The following NFIB variants were observed in gnomAD, a reference collection of about 807,000 sequenced individuals.
NFIB encodes nuclear factor I B.
Under a neutral mutation model 61.5 loss-of-function variants are expected in NFIB, and 11 were observed. The observed-to-expected ratio is 0.18, with a 90% CI of 0.11 to 0.30. NFIB has a LOEUF of 0.30. NFIB is among the 10% of genes least tolerant of loss of function. The pLI, the probability that NFIB is intolerant of heterozygous loss-of-function variation, is 1.00. For missense variants in NFIB, 471 were observed against 608.9 expected (o/e 0.77, Z 2.38); for synonymous variants, 260 against 216.5 (o/e 1.20, Z -1.76).
chr9:14,237,164 T>TA (rs747692698), intron 2 of NFIB, among the ~76,000 whole-genome samples: 11 of 152,138 alleles, frequency 7.2e-5, no homozygotes, highest in Non-Finnish European at 1.5e-4. Flanking sequence ...AAATTCAAGG[T>TA]AAAATCACAC....
At chr9:14,328,593 G>T (rs1256983863) in intron 1 of NFIB, among the ~76,000 whole-genome samples, 1 of 151,770 alleles carries the variant, frequency 6.6e-6, no homozygotes, top group Non-Finnish European at 1.5e-5. Flanking sequence ...TAAAAAATTT[G>T]TTTCATGTGC....
the NFIB span, among the ~76,000 whole-genome samples, chr9:14,445,947 TG>T: frequency 6.6e-6 from 1 of 152,212 alleles, no homozygotes; most frequent in South Asian, 2.1e-4. Flanking sequence ...GGTAACACAC[TG>T]GCTCAGATTT....
intron 10 of NFIB, among the ~76,000 whole-genome samples, chr9:14,107,121 G>A (rs2036675154): frequency 6.6e-6 from 1 of 151,990 alleles, no homozygotes; most frequent in Non-Finnish European, 1.5e-5. Context: ...GAAAACAGAT[G>A]CTTAAAAGGA....
intron 2 of NFIB, among the ~76,000 whole-genome samples, chr9:14,226,332 G>C (rs1440155255): frequency 6.6e-6 from 1 of 152,068 alleles, no homozygotes; most frequent in African/African-American, 2.4e-5. Context: ...AGTATCACTT[G>C]AGTCCAGGAC....
At chr9:14,435,150 C>T in the NFIB span, among the ~76,000 whole-genome samples, 1 of 152,214 alleles carries the variant, frequency 6.6e-6, no homozygotes, top group Non-Finnish European at 1.5e-5. Context: ...ATGCCCTATG[C>T]AGGAACCAGG....
At chr9:14,276,384 G>T (rs186690173) in intron 2 of NFIB, among the ~76,000 whole-genome samples, 6 of 152,258 alleles carry the variant, frequency 3.9e-5, no homozygotes, top group African/African-American at 1.4e-4. Context: ...CAAGTATGAG[G>T]TATAACTTAA....
chr9:14,484,374 T>G, the NFIB span, among the ~76,000 whole-genome samples: 1 of 152,202 alleles, frequency 6.6e-6, no homozygotes, highest in South Asian at 2.1e-4. Context: ...GAGAGCCAAA[T>G]GGTACAGATT....
At chr9:14,284,393 GA>G (rs1050097864) in intron 2 of NFIB, among the ~76,000 whole-genome samples, 30 of 152,098 alleles carry the variant, frequency 2.0e-4, no homozygotes, top group African/African-American at 6.8e-4. Context: ...CCTTATCTAA[GA>G]AGAAAATCAA....
rs548727150 is a variant in NFIB, at chr9:14,146,359, C to T, written c.925+330G>A. Among the ~76,000 whole-genome samples, 5 of 152,186 alleles carry T rather than the reference C, an allele frequency of 3.3e-5. No individual in the cohort carries two copies. The East Asian group carries it at 5.8e-4, about 18-fold the overall frequency. ...GCAACGCTCCATAGAGAGGAGCAGGCGGATCTAATTGAATCACAGTTTGTG... is the reference window on the plus strand; with the variant it reads ...GCAACGCTCCATAGAGAGGAGCAGGTGGATCTAATTGAATCACAGTTTGTG... On this transcript the variant is annotated intron_variant, in intron 6 of 10. Coordinates refer to ENST00000380953, the MANE Select transcript of NFIB (RefSeq NM_001190737.2).
chr9:14,195,455 C>T (rs10810106), intron 2 of NFIB, among the ~76,000 whole-genome samples: 24,146 of 152,106 alleles, frequency 0.16, 2,100 homozygotes, highest in East Asian at 0.34. Context: ...TGTGAGCACA[C>T]GAAACAGAGA....
At position 14,084,415 on chromosome 9, in the gene NFIB, A is replaced by AT. The variant is rs1458064509; in HGVS notation, c.*3893dup. 4.4e-6 allele frequency: 1 copy of AT among 224,742 alleles called. No homozygotes were observed. Among genetic ancestry groups the AT allele is most frequent in the Non-Finnish European group, 8.9e-6 (1 of 112,586 alleles). The allele number at this position is 224,742 out of a possible 1,614,324, so 13.9% of individuals were successfully genotyped here. A position where few individuals can be genotyped will look rare whatever the true frequency, so the allele number is the denominator to read the frequency against. ...TGCAGCTTCACAGATTCATTCACAT[A>AT]TTTTTTAATGGAGCTGCCCACCCGA... On this transcript the variant is annotated 3_prime_UTR_variant, in exon 11 of 11. Coordinates refer to ENST00000380953, the MANE Select transcript of NFIB (RefSeq NM_001190737.2).
At chr9:14,528,606 A>G in the NFIB span, among the ~76,000 whole-genome samples, 1 of 152,160 alleles carries the variant, frequency 6.6e-6, no homozygotes, top group African/African-American at 2.4e-5. Flanking sequence ...GATTAAAGTA[A>G]ACTTACAAAT....
chr9:14,158,681 T>C (rs1233351693), intron 3 of NFIB, among the ~76,000 whole-genome samples: 2 of 152,198 alleles, frequency 1.3e-5, no homozygotes, highest in Non-Finnish European at 2.9e-5. Context: ...TAGATACAGA[T>C]GGTTTAAGAT....
At chr9:14,175,188 G>A (rs1311580510) in intron 3 of NFIB, among the ~76,000 whole-genome samples, 1 of 5,648 alleles carries the variant, frequency 1.8e-4, no homozygotes, top group Non-Finnish European at 6.3e-4. Context: ...TTTTTTTTTT[G>A]AGATGGAGTC....
chr9:14,312,952 C>A (rs1027924448), intron 1 of NFIB, among the ~76,000 whole-genome samples: 2 of 152,334 alleles, frequency 1.3e-5, no homozygotes, highest in South Asian at 4.1e-4. Flanking sequence ...GGAATGGGTC[C>A]CCGGACCACA....
At chr9:14,393,003 A>T (rs1395604565) in intron 1 of NFIB, among the ~76,000 whole-genome samples, 1 of 152,230 alleles carries the variant, frequency 6.6e-6, no homozygotes, top group African/African-American at 2.4e-5. Flanking sequence ...TGCGAATCTT[A>T]TCATTGTTAT....
the NFIB span, among the ~76,000 whole-genome samples, chr9:14,489,655 T>G: frequency 2.4e-4 from 37 of 152,306 alleles, no homozygotes; most frequent in South Asian, 7.0e-3. Flanking sequence ...TCAAATTTTT[T>G]GTGTACATTT....
intron 3 of NFIB, among the ~76,000 whole-genome samples, chr9:14,171,593 A>C (rs1285055400): frequency 2.0e-5 from 3 of 152,190 alleles, no homozygotes; most frequent in African/African-American, 7.2e-5. Flanking sequence ...GTGGAGGATA[A>C]GGAAGAAAAA....
chr9:14,378,630 C>T (rs2061448161), intron 1 of NFIB, among the ~76,000 whole-genome samples: 1 of 152,252 alleles, frequency 6.6e-6, no homozygotes, highest in Non-Finnish European at 1.5e-5. Flanking sequence ...GTTGGGATTA[C>T]AGGCGTGAGC....
Sources: gnomAD v4.1 joint callset for allele counts (sites outside exome capture counted in the v4.1 genomes callset) on GRCh38, gnomAD v4.1.1 for gene constraint, MANE v1.5 for transcripts, NCBI Gene and HGNC (gene_info 2026-07-23, HGNC 2026-07-21) for gene names.